Variants in CCDC3 observed in about 807,000 individuals in gnomAD.
CCDC3 encodes coiled-coil domain-containing protein 3.
CCDC3 carries 24 observed loss-of-function variants against 21.4 expected under a neutral mutation model. The ratio of observed to expected loss-of-function variants is 1.12; its 90% CI spans 0.81 to 1.58. The LOEUF is 1.58. CCDC3 is among the 40% of genes most tolerant of loss of function. The pLI is 0.00. For missense variants in CCDC3, 425 were observed against 360.9 expected (o/e 1.18, Z -1.44); for synonymous variants, 186 against 166.0 (o/e 1.12, Z -0.93).
intron 2 of CCDC3, among the ~76,000 whole-genome samples, chr10:12,985,662 C>A (rs1589030985): frequency 6.6e-6 from 1 of 152,134 alleles, no homozygotes; most frequent in Non-Finnish European, 1.5e-5. Flanking sequence ...AGACAATCTC[C>A]AAAGGCACAT....
chr10:12,924,620 C>T (rs281850), intron 2 of CCDC3: 149,716 of 152,284 alleles, frequency 0.98, 73,642 homozygotes, highest in East Asian at 1. Context: ...CTCTCAAAAT[C>T]CCCAACTTCT....
intron 2 of CCDC3, among the ~76,000 whole-genome samples, chr10:12,983,173 T>TATATAA (rs1835533437): frequency 2.1e-5 from 3 of 140,734 alleles, no homozygotes; most frequent in Admixed American, 7.1e-5. Context: ...TATATATATA[T>TATATAA]AAAATCTATA....
At chr10:12,965,781 T>C (rs1036501099) in intron 2 of CCDC3, among the ~76,000 whole-genome samples, 8 of 152,238 alleles carry the variant, frequency 5.3e-5, no homozygotes, top group Non-Finnish European at 1.0e-4. Context: ...GGAGACATCA[T>C]GCAAGACAGA....
intron 5 of CCDC3, among the ~76,000 whole-genome samples, chr10:13,041,212 G>C (rs915198551): frequency 2.1e-4 from 32 of 152,066 alleles, no homozygotes; most frequent in African/African-American, 7.3e-4. Flanking sequence ...GGCCCTTTGA[G>C]GTAAGTTGAA....
rs1365749317 is a variant in CCDC3 at position 13,074,153 on chromosome 10, A to ATATATATTTTTT, written c.-502-54_-502-53insAAAAAATATATA. 1.1e-4 allele frequency: 7 copies of ATATATATTTTTT among 64,302 alleles called. No individual in the cohort carries two copies. The East Asian group carries it at 2.3e-3, about 21-fold the overall frequency. The allele number at this position is 64,302 out of a possible 1,614,324, so 4.0% of individuals were successfully genotyped here. A position where few individuals can be genotyped will look rare whatever the true frequency, so the allele number is the denominator to read the frequency against. On this transcript the variant is annotated intron_variant, in intron 3 of 6. Transcript: ENST00000378839. ...AATATATATATATATATATATATAT[A>ATATATATTTTTT]TTTTTTTTTTTTTTTTTTTTTGAGA...
chr10:13,005,142 G>C (rs1020824835), upstream of CCDC3, among the ~76,000 whole-genome samples: 1 of 152,190 alleles, frequency 6.6e-6, no homozygotes, highest in East Asian at 1.9e-4. Context: ...GCTGCTCAAA[G>C]TTCTATCGAC....
intron 3 of CCDC3, among the ~76,000 whole-genome samples, chr10:13,082,037 C>T (rs944076169): frequency 2.0e-5 from 3 of 152,314 alleles, no homozygotes; most frequent in South Asian, 2.1e-4. Flanking sequence ...TTGTAGGGAC[C>T]GGCCCTACAG....
At chr10:12,932,699 T>C (rs55687138) in intron 2 of CCDC3, among the ~76,000 whole-genome samples, 1,705 of 152,348 alleles carry the variant, frequency 0.011, 35 homozygotes, top group African/African-American at 0.038. Flanking sequence ...CAATATGATG[T>C]TGAAAAGCAG....
At chr10:12,983,957 G>C (rs545391955) in intron 2 of CCDC3, among the ~76,000 whole-genome samples, 3 of 152,168 alleles carry the variant, frequency 2.0e-5, no homozygotes, top group Non-Finnish European at 4.4e-5. Flanking sequence ...GTGCATGCCT[G>C]TAATCTCAGC....
At chr10:12,930,003 G>C (rs1834614942) in intron 2 of CCDC3, among the ~76,000 whole-genome samples, 1 of 152,164 alleles carries the variant, frequency 6.6e-6, no homozygotes, top group Admixed American at 6.5e-5. Context: ...TTTATGAGTA[G>C]ATTAATAGTT....
At chr10:12,907,790 T>A (rs1834197554) in intron 2 of CCDC3, among the ~76,000 whole-genome samples, 1 of 152,174 alleles carries the variant, frequency 6.6e-6, no homozygotes, top group African/African-American at 2.4e-5. Flanking sequence ...GACTAGCTTA[T>A]TTTGTACATC....
chr10:12,993,631 G>C (rs930065146), intron 2 of CCDC3, among the ~76,000 whole-genome samples: 3 of 152,202 alleles, frequency 2.0e-5, no homozygotes, highest in Admixed American at 2.0e-4. Context: ...AAGGAAAAAT[G>C]TCCTTGGCTG....
chr10:13,000,105 G>C (rs183115446), intron 1 of CCDC3, among the ~76,000 whole-genome samples: 2 of 152,196 alleles, frequency 1.3e-5, no homozygotes, highest in Non-Finnish European at 2.9e-5. Flanking sequence ...AGCTAAAAGT[G>C]AATCTGCAGA....
At chr10:13,023,288 T>C (rs11258137) in intron 5 of CCDC3, among the ~76,000 whole-genome samples, 10,454 of 152,194 alleles carry the variant, frequency 0.069, 373 homozygotes, top group Middle Eastern at 0.11. Flanking sequence ...ACAATTCTGT[T>C]GGTTGATTAG....
At position 13,069,477 on chromosome 10, in the gene CCDC3, A is replaced by G. The variant is rs369524897; in HGVS notation, c.-270+4391T>C. Reference sequence around the variant, plus strand: ...CTGAGTCATTATTTTGGCAAAATAAATAATTTATGGCAATCTGGAATTGTA... The same window carrying G: ...CTGAGTCATTATTTTGGCAAAATAAGTAATTTATGGCAATCTGGAATTGTA... On this transcript the variant is annotated intron_variant, in intron 4 of 6. Coordinates refer to the CCDC3 transcript ENST00000378839. Among the ~76,000 whole-genome samples, 22 of 152,330 alleles carry G rather than the reference A, an allele frequency of 1.4e-4. No homozygotes were observed. In the East Asian group the frequency reaches 2.5e-3, roughly 17 times the overall value.
chr10:12,903,882 C>A (rs1834129816), intron 2 of CCDC3, among the ~76,000 whole-genome samples: 1 of 152,102 alleles, frequency 6.6e-6, no homozygotes, highest in Admixed American at 6.5e-5. Context: ...ATGGGACCAA[C>A]AAAAGGAAAA....
chr10:13,053,345 G>A (rs565540249), intron 4 of CCDC3, among the ~76,000 whole-genome samples: 1 of 152,276 alleles, frequency 6.6e-6, no homozygotes, highest in African/African-American at 2.4e-5. Flanking sequence ...GAGGTGGGAA[G>A]ATCATTTGAG....
intron 3 of CCDC3, among the ~76,000 whole-genome samples, chr10:13,093,681 G>C (rs895583052): frequency 7.9e-5 from 12 of 152,050 alleles, no homozygotes; most frequent in Non-Finnish European, 1.3e-4. Flanking sequence ...TTCTCAGGTA[G>C]GGCCGAGGTA....
intron 2 of CCDC3, among the ~76,000 whole-genome samples, chr10:12,936,738 T>C (rs149104761): frequency 1.3e-5 from 2 of 152,118 alleles, no homozygotes; most frequent in Non-Finnish European, 2.9e-5. Context: ...GAGGCCCCCA[T>C]CTGTGCAAAA....
Sources: gnomAD v4.1 joint callset for allele counts (sites outside exome capture counted in the v4.1 genomes callset) on GRCh38, gnomAD v4.1.1 for gene constraint, MANE v1.5 for transcripts, NCBI Gene and HGNC (gene_info 2026-07-23, HGNC 2026-07-21) for gene names.